ZC3H12B: variants seen among roughly 807,000 people sequenced by gnomAD.
The protein encoded by ZC3H12B is probable ribonuclease ZC3H12B.
Under a neutral mutation model 43.9 loss-of-function variants are expected in ZC3H12B, and 7 were observed. That is an observed-to-expected ratio of 0.16 (90% CI 0.09 to 0.30). The LOEUF is 0.30. Ranked by LOEUF, ZC3H12B falls within the 10% of genes least tolerant of loss-of-function variation. The pLI, the probability that ZC3H12B is intolerant of heterozygous loss-of-function variation, is 1.00. For synonymous variants in ZC3H12B, 222 were observed against 241.7 expected, an observed-to-expected ratio of 0.92 and a Z score of 0.76; for missense variants, 475 against 670.2, an observed-to-expected ratio of 0.71 and a Z score of 3.22.
the ZC3H12B span, among the ~76,000 whole-genome samples, chrX:65,168,204 C>T: frequency 3.6e-5 from 4 of 111,667 alleles, no homozygotes; most frequent in African/African-American, 6.5e-5. Flanking sequence ...TTTTGAGATA[C>T]GTCCCATCCA....
At chrX:65,036,104 C>A in the ZC3H12B span, among the ~76,000 whole-genome samples, 1 of 111,509 alleles carries the variant, frequency 9.0e-6, no homozygotes, top group African/African-American at 3.3e-5. Flanking sequence ...GCATGAGGCA[C>A]CGGAAGTGAT....
the ZC3H12B span, among the ~76,000 whole-genome samples, chrX:65,154,904 G>A: frequency 2.7e-5 from 3 of 110,807 alleles, no homozygotes; most frequent in Non-Finnish European, 5.7e-5. Context: ...TTGCTTGTAG[G>A]GTTTTTAAAT....
chrX:65,303,527 A>G, the ZC3H12B span, among the ~76,000 whole-genome samples: 3 of 112,119 alleles, frequency 2.7e-5, no homozygotes, highest in Non-Finnish European at 5.6e-5. Flanking sequence ...TAATCTAGGC[A>G]TAGAAGGAAA....
At chrX:65,424,831 T>C (rs1337167291) in intron 3 of ZC3H12B, among the ~76,000 whole-genome samples, 1 of 111,858 alleles carries the variant, frequency 8.9e-6, no homozygotes, top group Non-Finnish European at 1.9e-5. Flanking sequence ...CTATGTGTCA[T>C]TGTTGTACCA....
At chrX:65,271,276 C>A in the ZC3H12B span, 1 of 112,113 alleles carries the variant, frequency 8.9e-6, no homozygotes, top group African/African-American at 3.2e-5. Context: ...CTGAGTCATT[C>A]TAGAAGGCTT....
the ZC3H12B span, among the ~76,000 whole-genome samples, chrX:65,316,258 T>C: frequency 8.9e-6 from 1 of 112,056 alleles, no homozygotes; most frequent in African/African-American, 3.2e-5. Flanking sequence ...TGTTTGAGGA[T>C]AGTGTACATG....
At chrX:65,315,410 G>T in the ZC3H12B span, among the ~76,000 whole-genome samples, 1 of 111,510 alleles carries the variant, frequency 9.0e-6, no homozygotes, top group Non-Finnish European at 1.9e-5. Context: ...AGTACCATTT[G>T]AAAATACATT....
At chrX:65,211,448 C>A in the ZC3H12B span, among the ~76,000 whole-genome samples, 1 of 107,251 alleles carries the variant, frequency 9.3e-6, no homozygotes, top group African/African-American at 3.4e-5. Context: ...AGGCACCATG[C>A]TAAATTCTTT....
At chrX:65,467,774 A>T (rs1289665405) in intron 3 of ZC3H12B, among the ~76,000 whole-genome samples, 2 of 112,111 alleles carry the variant, frequency 1.8e-5, no homozygotes, top group Non-Finnish European at 3.8e-5. Context: ...TACTCATATC[A>T]CTTGCCCACT....
the ZC3H12B span, among the ~76,000 whole-genome samples, chrX:65,137,987 C>T: frequency 9.0e-6 from 1 of 111,638 alleles, no homozygotes; most frequent in Non-Finnish European, 1.9e-5. Context: ...CACCACCATG[C>T]CCAGCTAGTT....
the ZC3H12B span, among the ~76,000 whole-genome samples, chrX:65,204,934 A>G: frequency 8.9e-6 from 1 of 111,927 alleles, no homozygotes; most frequent in Non-Finnish European, 1.9e-5. Flanking sequence ...AAGGAGCAAG[A>G]TCTTATTTTT....
chrX:65,430,973 G>T (rs750465365), intron 3 of ZC3H12B, among the ~76,000 whole-genome samples: 4 of 111,922 alleles, frequency 3.6e-5, no homozygotes, highest in Admixed American at 9.5e-5. Context: ...TCCTCTCCAT[G>T]AGTGCCATGG....
At chrX:65,223,762 C>G in the ZC3H12B span, among the ~76,000 whole-genome samples, 1 of 112,127 alleles carries the variant, frequency 8.9e-6, no homozygotes, top group Non-Finnish European at 1.9e-5. Flanking sequence ...ATCAAAACCA[C>G]AATGTGATAC....
chrX:65,134,155 G>A, the ZC3H12B span, among the ~76,000 whole-genome samples: 2 of 110,778 alleles, frequency 1.8e-5, no homozygotes, highest in African/African-American at 6.6e-5. Context: ...CATAGTGAAG[G>A]AGGCAAGCCC....
chrX:65,120,262 A>T, the ZC3H12B span, among the ~76,000 whole-genome samples: 2 of 111,975 alleles, frequency 1.8e-5, no homozygotes, highest in Non-Finnish European at 3.8e-5. Flanking sequence ...CACGATATTG[A>T]TTCTTGCTAT....
chrX:65,408,630 A>G, intron 3 of ZC3H12B: 2 of 1,085,433 alleles, frequency 1.8e-6, no homozygotes, highest in Non-Finnish European at 2.5e-6. Flanking sequence ...AAAGATGACA[A>G]GAAGCATCAA....
At chrX:65,235,328 C>T in the ZC3H12B span, among the ~76,000 whole-genome samples, 469 of 112,060 alleles carry the variant, frequency 4.2e-3, 1 homozygote, top group Non-Finnish European at 6.9e-3. Context: ...AAACACATTC[C>T]TTTTTCTCCA....
the ZC3H12B span, among the ~76,000 whole-genome samples, chrX:65,359,112 A>G: frequency 1.2e-3 from 129 of 111,358 alleles, 4 homozygotes; most frequent in East Asian, 0.032. Flanking sequence ...CAGCACTACA[A>G]CATGGTTTAT....
At chrX:65,340,646 C>A in the ZC3H12B span, among the ~76,000 whole-genome samples, 1 of 111,835 alleles carries the variant, frequency 8.9e-6, no homozygotes, top group South Asian at 3.8e-4. Context: ...ACTGAACCTA[C>A]CTTATATCAC....
Sources: allele counts gnomAD v4.1 joint callset (sites outside exome capture counted in the v4.1 genomes callset), GRCh38; gene constraint gnomAD v4.1.1; transcripts MANE v1.5; gene names NCBI Gene and HGNC (gene_info 2026-07-23, HGNC 2026-07-21).